The following EHHADH variants were observed in gnomAD, a reference collection of about 807,000 sequenced individuals.
The protein encoded by EHHADH is enoyl-CoA hydratase and 3-hydroxyacyl CoA dehydrogenase.
Under a neutral mutation model 64.4 loss-of-function variants are expected in EHHADH, and 48 were observed. That is an observed-to-expected ratio of 0.75 (90% CI 0.59 to 0.95). The LOEUF (loss-of-function observed/expected upper bound fraction) is 0.95, where lower values mean the gene tolerates loss of function less well. Ranked by LOEUF, EHHADH falls within the 40% of genes least tolerant of loss-of-function variation. The pLI, the probability that EHHADH is intolerant of heterozygous loss-of-function variation, is 0.00. For missense variants in EHHADH, 854 were observed against 876.6 expected, an observed-to-expected ratio of 0.97 and a Z score of 0.33; for synonymous variants, 308 against 326.7, an observed-to-expected ratio of 0.94 and a Z score of 0.62.
intron 3 of EHHADH, among the ~76,000 whole-genome samples, chr3:185,232,344 G>A (rs1325448149): frequency 3.3e-5 from 5 of 152,192 alleles, no homozygotes; most frequent in African/African-American, 1.2e-4. Context: ...ACATATATGT[G>A]TATTTATTTG....
intron 2 of EHHADH, among the ~76,000 whole-genome samples, chr3:185,237,993 G>A (rs1719342833): frequency 1.3e-5 from 2 of 151,788 alleles, no homozygotes; most frequent in African/African-American, 2.4e-5. Context: ...TTTTTTCCCT[G>A]ACAATTATTC....
At chr3:185,244,350 T>C (rs1039645621) in intron 2 of EHHADH, among the ~76,000 whole-genome samples, 1 of 152,210 alleles carries the variant, frequency 6.6e-6, no homozygotes, top group Non-Finnish European at 1.5e-5. Flanking sequence ...AGGGTTAATA[T>C]TGATATATGA....
chr3:185,193,356 C>A lies in EHHADH; in HGVS notation c.1042G>T (p.Ala348Ser). 6.2e-7 allele frequency: 1 copy of A among 1,614,026 alleles called. No individual in the cohort carries two copies. Among genetic ancestry groups the A allele is most frequent in the Non-Finnish European group, 8.5e-7 (1 of 1,179,952 alleles). The change falls in exon 7 of 7, where the codon GCC becomes TCC. Residue 348 changes from alanine (A) to serine (S), a missense_variant. By Grantham distance (99) the Ala-to-Ser change is moderately conservative (BLOSUM62 1). Coordinates refer to ENST00000231887, the MANE Select transcript of EHHADH (RefSeq NM_001966.4). ...TGGCCGCTCTGTTGCATTTTGGAGG[C>A]TTCTTTTTCCAAGACAGAGGTTATC... The part of the protein sequence containing the change: ...KMITSVLEKE[A>S]SKMQQSGHPW...
At chr3:185,223,567 A>C (rs1718892331) in intron 4 of EHHADH, among the ~76,000 whole-genome samples, 1 of 152,164 alleles carries the variant, frequency 6.6e-6, no homozygotes. Context: ...TTTCTGCCTG[A>C]GAGCCTTGAG....
chr3:185,211,553 G>A (rs368390264), intron 5 of EHHADH, among the ~76,000 whole-genome samples: 1 of 152,130 alleles, frequency 6.6e-6, no homozygotes, highest in Non-Finnish European at 1.5e-5. Context: ...AGACATCAAG[G>A]AATCTGTCTC....
At chr3:185,207,026 G>A (rs189009491) in intron 5 of EHHADH, among the ~76,000 whole-genome samples, 89 of 152,150 alleles carry the variant, frequency 5.8e-4, no homozygotes, top group South Asian at 2.9e-3. Flanking sequence ...AGTAGCCCAC[G>A]CCTGTAATTC....
At chr3:185,203,318 G>T (rs1436714174) in intron 6 of EHHADH, among the ~76,000 whole-genome samples, 2 of 151,892 alleles carry the variant, frequency 1.3e-5, no homozygotes, top group Non-Finnish European at 2.9e-5. Context: ...AAGTATATGA[G>T]AATTTTTTGT....
At chr3:185,224,780 TG>T (rs1718929287) in intron 4 of EHHADH, among the ~76,000 whole-genome samples, 1 of 152,220 alleles carries the variant, frequency 6.6e-6, no homozygotes, top group Admixed American at 6.5e-5. Context: ...TTACTTGGCT[TG>T]TGACCTCTCC....
intron 2 of EHHADH, among the ~76,000 whole-genome samples, chr3:185,244,050 T>C (rs1719526091): frequency 6.6e-6 from 1 of 152,234 alleles, no homozygotes; most frequent in Non-Finnish European, 1.5e-5. Flanking sequence ...GATGCATATA[T>C]ATTTAAGACA....
chr3:185,222,384 G>T (rs1217427568), intron 4 of EHHADH, among the ~76,000 whole-genome samples: 1 of 151,722 alleles, frequency 6.6e-6, no homozygotes, highest in Non-Finnish European at 1.5e-5. Context: ...TACCATCTCA[G>T]AAAAATAAAA....
intron 2 of EHHADH, among the ~76,000 whole-genome samples, chr3:185,244,372 C>T (rs1027426554): frequency 4.1e-4 from 62 of 152,162 alleles, no homozygotes; most frequent in Admixed American, 1.1e-3. Flanking sequence ...GGTTTGTTTC[C>T]GTCATAATAT....
At chr3:185,197,141 G>C (rs1421052941) in intron 6 of EHHADH, among the ~76,000 whole-genome samples, 9 of 152,130 alleles carry the variant, frequency 5.9e-5, no homozygotes, top group African/African-American at 1.2e-4. Context: ...GGGTGATGGA[G>C]AGTGACTGTT....
intron 5 of EHHADH, among the ~76,000 whole-genome samples, chr3:185,211,635 TA>T (rs1577360455): frequency 6.6e-6 from 1 of 152,162 alleles, no homozygotes; most frequent in Non-Finnish European, 1.5e-5. Context: ...ACAGACAGAA[TA>T]ACTGCACATT....
At chr3:185,232,165 C>T (rs1213044991) in intron 3 of EHHADH, among the ~76,000 whole-genome samples, 1 of 152,088 alleles carries the variant, frequency 6.6e-6, no homozygotes, top group Non-Finnish European at 1.5e-5. Flanking sequence ...CTAGCAGTTC[C>T]AAAATACCTC....
chr3:185,239,173 T>A (rs1719381572), intron 2 of EHHADH, among the ~76,000 whole-genome samples: 1 of 152,182 alleles, frequency 6.6e-6, no homozygotes, highest in African/African-American at 2.4e-5. Flanking sequence ...ACCATGCTGG[T>A]TTGGTTACCA....
At position 185,204,762 on chromosome 3, in the gene EHHADH, A is replaced by C; in HGVS notation, c.569-5T>G. ...TACGGGATTCTAGAGGTTGATCTGA[A>C]AGGAATAAGAAGGATCAGAGCTTTG... On this transcript the variant is annotated splice_polypyrimidine_tract_variant and splice_region_variant and intron_variant, in intron 5 of 6. Coordinates refer to ENST00000231887, the MANE Select transcript of EHHADH (RefSeq NM_001966.4). The C allele has an allele frequency of 6.3e-7, 1 of 1,585,556 alleles. No individual in the cohort carries two copies. The highest frequency in any genetic ancestry group is 8.6e-7 in the Non-Finnish European group (1 of 1,161,556).
chr3:185,193,425 C>CA lies in EHHADH; in HGVS notation c.972dup (p.Ala325CysfsTer56). 6.2e-7 allele frequency: 1 copy of CA among 1,614,190 alleles called. No homozygotes were observed. The highest frequency in any genetic ancestry group is 8.5e-7 in the Non-Finnish European group (1 of 1,180,028). On this transcript the variant is annotated frameshift_variant, in exon 7 of 7. Coordinates refer to ENST00000231887, the MANE Select transcript of EHHADH (RefSeq NM_001966.4). LOFTEE classifies it high-confidence loss of function. ...AGCTGGTTTTTGTCCGAGTCTACAG[C>CA]AATCACAGGAATCCTGGCCCTTGCA...
At chr3:185,220,855 A>G (rs888197738) in intron 4 of EHHADH, among the ~76,000 whole-genome samples, 1 of 151,894 alleles carries the variant, frequency 6.6e-6, no homozygotes, top group Non-Finnish European at 1.5e-5. Flanking sequence ...AACCTTTACA[A>G]TTTTTTTCCA....
chr3:185,192,775 T>C lies in EHHADH; in HGVS notation c.1623A>G (p.Gly541=). Residue 541 remains glycine (G), a synonymous_variant, in exon 7 of 7, where the codon GGA becomes GGG. Coordinates refer to ENST00000231887, the MANE Select transcript of EHHADH (RefSeq NM_001966.4). ...CAGGAGTTCCTGGAAGCAATGTAGGTCCAGTAAGACCTTGCCCCTTTCTAG... is the reference window on the plus strand; with the variant it reads ...CAGGAGTTCCTGGAAGCAATGTAGGCCCAGTAAGACCTTGCCCCTTTCTAG... ...WKSRKGQGLT[G]PTLLPGTPAR... 1 of 1,614,074 alleles carries C rather than the reference T, an allele frequency of 6.2e-7. No individual in the cohort carries two copies. The highest frequency in any genetic ancestry group is 1.1e-5 in the South Asian group (1 of 91,080).
Sources: gnomAD v4.1 joint callset for allele counts (sites outside exome capture counted in the v4.1 genomes callset) on GRCh38, gnomAD v4.1.1 for gene constraint, MANE v1.5 for transcripts, NCBI Gene and HGNC (gene_info 2026-07-23, HGNC 2026-07-21) for gene names.